Variants in ZNF385D observed in about 807,000 individuals in gnomAD.
The protein encoded by ZNF385D is zinc finger protein 385D.
Under a neutral mutation model 35.8 loss-of-function variants are expected in ZNF385D, and 15 were observed. The ratio of observed to expected loss-of-function variants is 0.42; its 90% CI spans 0.28 to 0.64. The LOEUF is 0.64. ZNF385D is among the 30% of genes least tolerant of loss of function. The pLI is 0.23. For missense variants in ZNF385D, 474 were observed against 494.6 expected (o/e 0.96, Z 0.39); for synonymous variants, 212 against 186.8 (o/e 1.13, Z -1.10).
chr3:21,521,311 T>C (rs1314705965), intron 3 of ZNF385D, among the ~76,000 whole-genome samples: 1 of 152,198 alleles, frequency 6.6e-6, no homozygotes, highest in Non-Finnish European at 1.5e-5. Flanking sequence ...ACTCTTTTGG[T>C]GGAGTCTACC....
chr3:22,132,054 A>T (rs150678295), intron 3 of ZNF385D, among the ~76,000 whole-genome samples: 46 of 152,268 alleles, frequency 3.0e-4, no homozygotes, highest in African/African-American at 1.1e-3. Flanking sequence ...TCATCAATTG[A>T]TAAAGAGGAA....
intron 2 of ZNF385D, among the ~76,000 whole-genome samples, chr3:22,231,407 C>T (rs1420804848): frequency 6.6e-6 from 1 of 152,108 alleles, no homozygotes; most frequent in Non-Finnish European, 1.5e-5. Context: ...AACCTTCTTC[C>T]ACCAGCCCCA....
intron 3 of ZNF385D, among the ~76,000 whole-genome samples, chr3:21,775,632 T>A (rs2071257261): frequency 6.6e-6 from 1 of 151,932 alleles, no homozygotes; most frequent in Non-Finnish European, 1.5e-5. Flanking sequence ...TTTCGGTTAT[T>A]TGTACATTAT....
chr3:22,057,775 A>C (rs1334975885), intron 3 of ZNF385D, among the ~76,000 whole-genome samples: 2 of 152,102 alleles, frequency 1.3e-5, no homozygotes, highest in Non-Finnish European at 2.9e-5. Context: ...CGGCCTCCCA[A>C]AGTGCTGGGA....
At chr3:21,511,763 A>C in intron 3 of ZNF385D, 1 of 456,162 alleles carries the variant, frequency 2.2e-6, no homozygotes, top group Non-Finnish European at 4.4e-6. Context: ...GCCATCTGAG[A>C]TATATAGAGA....
intron 3 of ZNF385D, among the ~76,000 whole-genome samples, chr3:21,517,304 TA>T (rs1707633212): frequency 6.6e-6 from 1 of 152,002 alleles, no homozygotes; most frequent in African/African-American, 2.4e-5. Context: ...ACTGCCGAGA[TA>T]ATGGCCATGA....
chr3:21,682,935 T>C (rs1448074535), intron 1 of ZNF385D, among the ~76,000 whole-genome samples: 1 of 150,004 alleles, frequency 6.7e-6, no homozygotes, highest in East Asian at 2.0e-4. Flanking sequence ...GCACCAGCTG[T>C]TGTTGGCTGA....
intron 2 of ZNF385D, among the ~76,000 whole-genome samples, chr3:21,626,984 CAAT>C (rs1425277712): frequency 3.3e-5 from 5 of 151,132 alleles, no homozygotes; most frequent in Non-Finnish European, 5.9e-5. Context: ...TGGTGCCTAT[CAAT>C]GATGAGATTT....
chr3:21,779,574 C>T (rs1192477225), intron 3 of ZNF385D, among the ~76,000 whole-genome samples: 2 of 151,852 alleles, frequency 1.3e-5, no homozygotes, highest in Admixed American at 1.3e-4. Context: ...TGTTTCTGAA[C>T]ATTAGAAATA....
At chr3:22,214,626 C>A (rs191416965) in intron 2 of ZNF385D, among the ~76,000 whole-genome samples, 2 of 152,006 alleles carry the variant, frequency 1.3e-5, no homozygotes, top group Non-Finnish European at 2.9e-5. Flanking sequence ...AGGGGGTGGC[C>A]ATCTTTTATG....
chr3:21,546,583 C>G (rs2062380386), intron 3 of ZNF385D, among the ~76,000 whole-genome samples: 1 of 151,844 alleles, frequency 6.6e-6, no homozygotes, highest in Admixed American at 6.6e-5. Context: ...GTCCCAGACT[C>G]AATTCCAAGC....
intron 3 of ZNF385D, among the ~76,000 whole-genome samples, chr3:21,562,515 C>T (rs2062987896): frequency 6.6e-6 from 1 of 151,894 alleles, no homozygotes; most frequent in Non-Finnish European, 1.5e-5. Context: ...GTTCAGTGAC[C>T]TTGAAATTTC....
At chr3:22,139,754 T>C (rs748485227) in intron 3 of ZNF385D, among the ~76,000 whole-genome samples, 27 of 151,554 alleles carry the variant, frequency 1.8e-4, no homozygotes, top group Middle Eastern at 3.4e-3. Context: ...ACCCTAAAAC[T>C]TAAAGTATAA....
chr3:22,176,655 T>C (rs576685119), intron 2 of ZNF385D, among the ~76,000 whole-genome samples: 2 of 152,298 alleles, frequency 1.3e-5, no homozygotes, highest in South Asian at 2.1e-4. Context: ...ATGGAACTTT[T>C]AAATGCATTC....
chr3:22,221,698 T>A (rs990897198), intron 2 of ZNF385D, among the ~76,000 whole-genome samples: 1 of 152,158 alleles, frequency 6.6e-6, no homozygotes, highest in Non-Finnish European at 1.5e-5. Context: ...AATATAGACA[T>A]ACTAATGGTT....
chr3:21,592,442 T>C lies in ZNF385D; in HGVS notation c.166-27758A>G, dbSNP rs553677569. 2.6e-5 allele frequency among the ~76,000 whole-genome samples: 4 copies of C among 151,828 alleles called. No homozygotes were observed. The East Asian group carries it at 7.8e-4, about 30-fold the overall frequency. ...TTAATGATTGCTACAGATGGCAATATATTGATGTGTCTTGAATTACCCTCT... is the reference window on the plus strand; with the variant it reads ...TTAATGATTGCTACAGATGGCAATACATTGATGTGTCTTGAATTACCCTCT... On this transcript the variant is annotated intron_variant, in intron 2 of 7. Coordinates refer to ENST00000281523, the MANE Select transcript of ZNF385D (RefSeq NM_024697.3).
intron 2 of ZNF385D, among the ~76,000 whole-genome samples, chr3:22,258,299 A>G (rs77258265): frequency 2.6e-5 from 4 of 151,860 alleles, no homozygotes; most frequent in Non-Finnish European, 5.9e-5. Context: ...AATTATACAC[A>G]CAGCCACATT....
At chr3:22,225,846 G>C (rs900372214) in intron 2 of ZNF385D, among the ~76,000 whole-genome samples, 17 of 152,114 alleles carry the variant, frequency 1.1e-4, no homozygotes, top group African/African-American at 4.1e-4. Flanking sequence ...GTGATCTTGT[G>C]AATATTTATC....
intron 3 of ZNF385D, among the ~76,000 whole-genome samples, chr3:21,775,486 A>C (rs1288816377): frequency 6.6e-6 from 1 of 151,936 alleles, no homozygotes; most frequent in Non-Finnish European, 1.5e-5. Flanking sequence ...CTATTACTCC[A>C]AAAATAGTCT....
Sources: gnomAD v4.1 joint callset for allele counts (sites outside exome capture counted in the v4.1 genomes callset) on GRCh38, gnomAD v4.1.1 for gene constraint, MANE v1.5 for transcripts, NCBI Gene and HGNC (gene_info 2026-07-23, HGNC 2026-07-21) for gene names.